The following SOX6 variants were observed in gnomAD, a reference collection of about 807,000 sequenced individuals.
SOX6 encodes the protein SRY-box transcription factor 6.
In SOX6, 11 loss-of-function variants were observed where a neutral mutation model predicts 97.8. The observed-to-expected ratio is 0.11, with a 90% CI of 0.07 to 0.19. The LOEUF is 0.19. Among genes scored for constraint, SOX6 ranks in the 10% least tolerant of loss-of-function variants. SOX6 has a pLI of 1.00. For missense variants in SOX6, 810 were observed against 1,039.5 expected (o/e 0.78, Z 3.04); for synonymous variants, 360 against 371.4 (o/e 0.97, Z 0.35).
intron 13 of SOX6, among the ~76,000 whole-genome samples, chr11:15,997,844 A>T (rs1342455989): frequency 6.6e-6 from 1 of 152,192 alleles, no homozygotes; most frequent in Non-Finnish European, 1.5e-5. Context: ...ATATTTCGGG[A>T]GGCTGAGGTG....
chr11:16,079,137 C>CA (rs1197869264), intron 9 of SOX6, among the ~76,000 whole-genome samples: 1 of 152,088 alleles, frequency 6.6e-6, no homozygotes, highest in Non-Finnish European at 1.5e-5. Flanking sequence ...TGCCTTGGCC[C>CA]ACAATGACTG....
intron 12 of SOX6, among the ~76,000 whole-genome samples, chr11:16,020,875 G>C (rs1855037680): frequency 6.6e-6 from 1 of 152,144 alleles, no homozygotes; most frequent in Middle Eastern, 3.4e-3. Flanking sequence ...AGAACACTTA[G>C]TATTAGTGTT....
chr11:16,447,431 CTCTCCTTCGATT>C (rs1279557081), intron 1 of SOX6, among the ~76,000 whole-genome samples: 2 of 139,840 alleles, frequency 1.4e-5, no homozygotes, highest in Non-Finnish European at 3.1e-5. Context: ...TTATTTCTCT[CTCTCCTTCGATT>C]TCTCTCTCTC....
rs576869334 is a variant in SOX6, at chr11:16,052,066, G to A, written c.1252-2128C>T. ...GGTTTTTCATGTCTTGCTTTATCAT[G>A]CTCACGTTTTCCTCTATCTTCTTGA... On this transcript the variant is annotated intron_variant, in intron 10 of 15. Transcript: ENST00000683767. Among the ~76,000 whole-genome samples the A allele has an allele frequency of 3.3e-5, 5 of 152,016 alleles. No homozygotes were observed. The South Asian group carries it at 1.0e-3, about 32-fold the overall frequency.
chr11:16,622,449 T>A (rs532167294), intron 3 of SOX6, among the ~76,000 whole-genome samples: 106 of 133,042 alleles, frequency 8.0e-4, no homozygotes, highest in Non-Finnish European at 1.6e-3. Flanking sequence ...GTTCCCAGAG[T>A]CCACTGTATC....
rs77710980 is a variant in SOX6 at position 16,614,849 on chromosome 11, A to G, written n.430-2589T>C. Among the ~76,000 whole-genome samples, 1,385 of 152,324 alleles carry G rather than the reference A, an allele frequency of 9.1e-3. 9 individuals are homozygous for G. The highest frequency in any genetic ancestry group is 0.014 in the Non-Finnish European group (976 of 68,022). ...GAAGAATTCTATTTATTTCAAGAAA[A>G]TGGGACACTAGGGAACTATTTTGTT... On this transcript the variant is annotated intron_variant and non_coding_transcript_variant, in intron 3 of 5. Transcript: ENST00000524520.
At chr11:16,170,057 T>A (rs1452344802) in intron 6 of SOX6, among the ~76,000 whole-genome samples, 3 of 152,086 alleles carry the variant, frequency 2.0e-5, no homozygotes, top group Non-Finnish European at 4.4e-5. Flanking sequence ...CCTGTGTTGG[T>A]TCTTTTAAAT....
chr11:16,453,887 A>T (rs1859765407), intron 1 of SOX6, among the ~76,000 whole-genome samples: 2 of 152,152 alleles, frequency 1.3e-5, no homozygotes, highest in African/African-American at 4.8e-5. Context: ...TTACCGCCTC[A>T]TTTTATGATT....
At chr11:16,172,761 A>G (rs984064573) in intron 6 of SOX6, among the ~76,000 whole-genome samples, 5 of 152,006 alleles carry the variant, frequency 3.3e-5, no homozygotes, top group African/African-American at 1.2e-4. Flanking sequence ...ATGGAAAATG[A>G]AAAGGCAGAA....
chr11:16,635,553 T>C (rs1408024158), intron 3 of SOX6, among the ~76,000 whole-genome samples: 1 of 152,212 alleles, frequency 6.6e-6, no homozygotes. Flanking sequence ...GATGATGCAG[T>C]AGAAAACAAA....
At chr11:16,580,661 G>A (rs1345104221) in intron 4 of SOX6, among the ~76,000 whole-genome samples, 1 of 152,022 alleles carries the variant, frequency 6.6e-6, no homozygotes, top group Non-Finnish European at 1.5e-5. Flanking sequence ...GAGTGAACAG[G>A]CAACCTACAG....
chr11:16,655,226 T>C (rs1360166319), intron 3 of SOX6, among the ~76,000 whole-genome samples: 1 of 152,134 alleles, frequency 6.6e-6, no homozygotes, highest in Non-Finnish European at 1.5e-5. Context: ...GACGTTTGGT[T>C]CCCTATAACT....
intron 1 of SOX6, among the ~76,000 whole-genome samples, chr11:16,349,703 AGG>A (rs1856873171): frequency 1.4e-5 from 1 of 70,300 alleles, no homozygotes; most frequent in Non-Finnish European, 2.9e-5. Flanking sequence ...GAAGGAAGGA[AGG>A]AAGGAAGGAA....
chr11:16,340,301 CT>C (rs1272481420), intron 2 of SOX6, among the ~76,000 whole-genome samples: 1 of 151,346 alleles, frequency 6.6e-6, no homozygotes, highest in Non-Finnish European at 1.5e-5. Flanking sequence ...ACATTTTAAT[CT>C]CTTCTAGATG....
intron 1 of SOX6, among the ~76,000 whole-genome samples, chr11:16,408,126 C>T (rs962917054): frequency 6.6e-6 from 1 of 152,110 alleles, no homozygotes; most frequent in African/African-American, 2.4e-5. Context: ...GATTCAAGGT[C>T]ATGGAAAAGA....
In SOX6 at chr11:16,658,857, G is replaced by C. The variant is rs890843499; in HGVS notation, n.430-46597C>G. 2.0e-5 allele frequency among the ~76,000 whole-genome samples: 3 copies of C among 152,150 alleles called. No individual in the cohort carries two copies. In the East Asian group the frequency reaches 5.8e-4, roughly 29 times the overall value. On this transcript the variant is annotated intron_variant and non_coding_transcript_variant, in intron 3 of 5. Coordinates refer to the SOX6 transcript ENST00000524520. The stretch of plus-strand genomic sequence containing the variant: ...AATGTTTAAATTGAAAACTCATTAA[G>C]AGTATATAAGTAGTTATCCTTTTAG...
At chr11:15,974,370 A>T (rs1413792091) in intron 15 of SOX6, among the ~76,000 whole-genome samples, 11 of 120,050 alleles carry the variant, frequency 9.2e-5, no homozygotes, top group South Asian at 3.0e-4. Flanking sequence ...TTTTTCTGTT[A>T]GCTCTCTCTT....
chr11:16,552,285 T>C (rs1278187817), intron 4 of SOX6, among the ~76,000 whole-genome samples: 3 of 152,152 alleles, frequency 2.0e-5, no homozygotes, highest in African/African-American at 7.2e-5. Flanking sequence ...GGAAAATGCA[T>C]GCTGTATAGC....
At chr11:16,398,939 A>C (rs937736451) in intron 1 of SOX6, among the ~76,000 whole-genome samples, 14 of 151,394 alleles carry the variant, frequency 9.2e-5, no homozygotes, top group Non-Finnish European at 1.8e-4. Context: ...TTTTCATAGA[A>C]TCTTTTAAGA....
Sources: allele counts gnomAD v4.1 joint callset (sites outside exome capture counted in the v4.1 genomes callset), GRCh38; gene constraint gnomAD v4.1.1; transcripts MANE v1.5; gene names NCBI Gene and HGNC (gene_info 2026-07-23, HGNC 2026-07-21).